CDIN1: variants seen among roughly 807,000 people sequenced by gnomAD.
The protein encoded by CDIN1 is CDAN1-interacting nuclease 1.
Under a neutral mutation model 45.3 loss-of-function variants are expected in CDIN1, and 33 were observed. The ratio of observed to expected loss-of-function variants is 0.73; its 90% confidence interval spans 0.55 to 0.97. The LOEUF (loss-of-function observed/expected upper bound fraction) is 0.97, where lower values mean the gene tolerates loss of function less well. CDIN1 is among the 50% of genes least tolerant of loss of function. The pLI, the probability that CDIN1 is intolerant of heterozygous loss-of-function variation, is 0.00. For synonymous variants in CDIN1, 118 were observed against 124.4 expected (o/e 0.95, Z 0.34); for missense variants, 303 against 339.4 (o/e 0.89, Z 0.84).
At chr15:36,731,914 G>A (rs1463690458) in intron 10 of CDIN1, among the ~76,000 whole-genome samples, 1 of 152,044 alleles carries the variant, frequency 6.6e-6, no homozygotes, top group Non-Finnish European at 1.5e-5. Flanking sequence ...AACATTTATT[G>A]GCTTATTTGA....
chr15:36,684,603 T>C (rs1365811062), intron 5 of CDIN1, among the ~76,000 whole-genome samples: 1 of 151,932 alleles, frequency 6.6e-6, no homozygotes, highest in Non-Finnish European at 1.5e-5. Flanking sequence ...TAAAATGAGT[T>C]AGGGAGGATT....
chr15:36,660,171 G>C (rs1427820997), intron 5 of CDIN1, among the ~76,000 whole-genome samples: 6 of 151,958 alleles, frequency 3.9e-5, no homozygotes, highest in African/African-American at 1.5e-4. Context: ...GGGGATAATT[G>C]TCTTTGGTAG....
At chr15:36,661,863 G>A (rs1361114485) in intron 5 of CDIN1, among the ~76,000 whole-genome samples, 1 of 152,102 alleles carries the variant, frequency 6.6e-6, no homozygotes, top group Non-Finnish European at 1.5e-5. Context: ...AAAATTTTAT[G>A]AGTAGACATG....
At chr15:36,729,232 C>T (rs1044049760) in intron 10 of CDIN1, among the ~76,000 whole-genome samples, 1 of 152,034 alleles carries the variant, frequency 6.6e-6, no homozygotes, top group African/African-American at 2.4e-5. Context: ...CACTGAGGAA[C>T]TAGTACTTTC....
intron 10 of CDIN1, among the ~76,000 whole-genome samples, chr15:36,798,412 G>T (rs1349054888): frequency 6.6e-6 from 1 of 152,066 alleles, no homozygotes. Flanking sequence ...GACTAGGTTG[G>T]CTAGCCAAAG....
At chr15:36,679,359 C>T (rs999021440) in intron 5 of CDIN1, among the ~76,000 whole-genome samples, 2 of 152,208 alleles carry the variant, frequency 1.3e-5, no homozygotes, top group Non-Finnish European at 2.9e-5. Context: ...AAGTTCATAA[C>T]AGTGTGTTAT....
chr15:36,682,767 C>CAAAAAAAAAAAAAAAA (rs10706117), intron 5 of CDIN1, among the ~76,000 whole-genome samples: 7 of 61,364 alleles, frequency 1.1e-4, no homozygotes, highest in Admixed American at 3.4e-4. Flanking sequence ...AAGACCCTGC[C>CAAAAAAAAAAAAAAAA]AAAAAAAAAA....
intron 1 of CDIN1, among the ~76,000 whole-genome samples, chr15:36,595,792 T>C (rs535550313): frequency 6.6e-6 from 1 of 152,204 alleles, no homozygotes; most frequent in Non-Finnish European, 1.5e-5. Flanking sequence ...TGTGATTTAG[T>C]AAATACTTGG....
At chr15:36,620,283 G>A (rs113915839) in intron 1 of CDIN1, among the ~76,000 whole-genome samples, 6,669 of 152,056 alleles carry the variant, frequency 0.044, 354 homozygotes, top group African/African-American at 0.13. Flanking sequence ...ACCGGGGGGC[G>A]GAGCTTGCAG....
At chr15:36,603,550 T>G (rs1465580231) in intron 1 of CDIN1, among the ~76,000 whole-genome samples, 1 of 152,232 alleles carries the variant, frequency 6.6e-6, no homozygotes, top group African/African-American at 2.4e-5. Context: ...AGATACTTCT[T>G]TAGGCCTCTA....
chr15:36,609,499 C>T (rs1230464536), intron 1 of CDIN1, among the ~76,000 whole-genome samples: 2 of 152,124 alleles, frequency 1.3e-5, no homozygotes, highest in South Asian at 2.1e-4. Context: ...TGGTGGCTCA[C>T]ACCTGTAATC....
At chr15:36,743,533 A>T (rs184271210) in intron 10 of CDIN1, among the ~76,000 whole-genome samples, 123 of 152,254 alleles carry the variant, frequency 8.1e-4, no homozygotes, top group Non-Finnish European at 1.4e-3. Flanking sequence ...GCAACTTCTG[A>T]TGCTTGAAAC....
In CDIN1 at chr15:36,588,380, T is replaced by C. The variant is rs552591080; in HGVS notation, c.101+8419T>C. Among the ~76,000 whole-genome samples, 13 of 152,212 alleles carry C rather than the reference T, an allele frequency of 8.5e-5. No individual in the cohort carries two copies. In the South Asian group the frequency reaches 2.7e-3, roughly 31 times the overall value. The stretch of plus-strand genomic sequence containing the variant: ...TTTCTCAATTGAAATGAAAGTTGAT[T>C]CTCAGTTTGTGGTCAATTTTCTACA... On this transcript the variant is annotated intron_variant, in intron 1 of 10. Transcript: ENST00000566621.
intron 10 of CDIN1, among the ~76,000 whole-genome samples, chr15:36,751,419 C>T (rs2053467577): frequency 1.3e-5 from 2 of 151,410 alleles, no homozygotes; most frequent in Non-Finnish European, 2.9e-5. Flanking sequence ...GAGAGCCAGG[C>T]ACAGCAGCTC....
intron 10 of CDIN1, among the ~76,000 whole-genome samples, chr15:36,763,565 C>G (rs1185886691): frequency 1.3e-5 from 2 of 152,164 alleles, no homozygotes; most frequent in Admixed American, 1.3e-4. Flanking sequence ...TCTCTGCCAT[C>G]AGCTTGCACT....
intron 10 of CDIN1, among the ~76,000 whole-genome samples, chr15:36,765,957 G>T (rs1324811596): frequency 2.0e-5 from 3 of 152,108 alleles, no homozygotes; most frequent in Admixed American, 6.5e-5. Flanking sequence ...AATTTTAAGT[G>T]CTCAATACCA....
chr15:36,760,682 C>G (rs1054016464), intron 10 of CDIN1, among the ~76,000 whole-genome samples: 13 of 151,796 alleles, frequency 8.6e-5, no homozygotes, highest in African/African-American at 2.7e-4. Flanking sequence ...TAAACATTTT[C>G]TCCTGTGAAG....
At chr15:36,781,322 G>A (rs1464297473) in intron 10 of CDIN1, among the ~76,000 whole-genome samples, 1 of 152,110 alleles carries the variant, frequency 6.6e-6, no homozygotes, top group Admixed American at 6.5e-5. Context: ...AAAGATATTA[G>A]GGCTAAGCAA....
intron 5 of CDIN1, among the ~76,000 whole-genome samples, chr15:36,685,702 C>T (rs2042016337): frequency 6.6e-6 from 1 of 151,990 alleles, no homozygotes; most frequent in South Asian, 2.1e-4. Flanking sequence ...TGAACTCAAA[C>T]AAATTTACAA....
Sources: gnomAD v4.1 joint callset for allele counts (sites outside exome capture counted in the v4.1 genomes callset) on GRCh38, gnomAD v4.1.1 for gene constraint, MANE v1.5 for transcripts, NCBI Gene and HGNC (gene_info 2026-07-23, HGNC 2026-07-21) for gene names.